The following SLC4A8 variants were observed in gnomAD, a reference collection of about 807,000 sequenced individuals.
SLC4A8 encodes electroneutral sodium bicarbonate exchanger 1.
In SLC4A8, 40 loss-of-function variants were observed where a neutral mutation model predicts 125.0. The ratio of observed to expected loss-of-function variants is 0.32; its 90% CI spans 0.25 to 0.42. The LOEUF (loss-of-function observed/expected upper bound fraction) is 0.42, where lower values mean the gene tolerates loss of function less well. Ranked by LOEUF, SLC4A8 falls within the 10% of genes least tolerant of loss-of-function variation. SLC4A8 has a pLI of 1.00. For synonymous variants in SLC4A8, 456 were observed against 476.0 expected, an observed-to-expected ratio of 0.96 and a Z score of 0.55; for missense variants, 863 against 1,355.1, an observed-to-expected ratio of 0.64 and a Z score of 5.70.
Position 51,450,939 on chromosome 12 carries a change from G to T in SLC4A8, c.194G>T (p.Arg65Leu). 1 of 1,608,086 alleles carries T rather than the reference G, an allele frequency of 6.2e-7. No homozygotes were observed. Among genetic ancestry groups the T allele is most frequent in the Non-Finnish European group, 8.5e-7 (1 of 1,176,726 alleles). The change falls in exon 3 of 25, where the codon CGC becomes CTC. Residue 65 changes from arginine (R) to leucine (L), a missense_variant. Physicochemically the swap from Arg to Leu is moderately radical, Grantham distance 102 (BLOSUM62 -2). Transcript: ENST00000453097. ...GGCCGGCAGAGCCATCGGCATCACC[G>T]CACTCATGGCCAGAAGCACCGGAGA... ...PLGRQSHRHHRTHGQKHRRRG... is the reference protein window; with the variant it reads ...PLGRQSHRHHLTHGQKHRRRG...
At chr12:51,502,203 A>T in intron 22 of SLC4A8, 1 of 152,176 alleles carries the variant, frequency 6.6e-6, no homozygotes, top group East Asian at 1.9e-4. Flanking sequence ...TGAAAAAGAA[A>T]TCATCTCTGA....
In SLC4A8 at chr12:51,436,626, G is replaced by T. The variant is rs115071632; in HGVS notation, c.49-4082G>T. On this transcript the variant is annotated intron_variant, in intron 1 of 24. Transcript: ENST00000453097. ...TATTTGTTATTTATTTATTTATTTA[G>T]TTAGTTAGTTAGTTATTTGAGATGG... Among the ~76,000 whole-genome samples, 822 of 151,616 alleles carry T rather than the reference G, an allele frequency of 5.4e-3. 1 individual carries two copies. The highest frequency in any genetic ancestry group is 0.013 in the African/African-American group (534 of 41,278).
At chr12:51,456,628 G>C (rs915728202) in intron 5 of SLC4A8, among the ~76,000 whole-genome samples, 32 of 152,168 alleles carry the variant, frequency 2.1e-4, no homozygotes, top group African/African-American at 7.5e-4. Context: ...GAGGTATAGA[G>C]AGATTATATA....
At chr12:51,444,643 A>G (rs1042512931) in intron 2 of SLC4A8, among the ~76,000 whole-genome samples, 2 of 152,204 alleles carry the variant, frequency 1.3e-5, no homozygotes, top group Non-Finnish European at 2.9e-5. Flanking sequence ...CCCTTTCTGC[A>G]GTAATAAGTC....
At chr12:51,499,077 A>G (rs1339426286) in intron 22 of SLC4A8, among the ~76,000 whole-genome samples, 1 of 151,840 alleles carries the variant, frequency 6.6e-6, no homozygotes, top group Non-Finnish European at 1.5e-5. Context: ...GCTACTCAGG[A>G]GGCTGAGACA....
chr12:51,438,861 C>T (rs1949501917), intron 1 of SLC4A8, among the ~76,000 whole-genome samples: 2 of 152,140 alleles, frequency 1.3e-5, no homozygotes, highest in Non-Finnish European at 2.9e-5. Flanking sequence ...TTTTGATTTG[C>T]ATTTCCCTGA....
intron 22 of SLC4A8, chr12:51,497,390 G>T: frequency 3.0e-6 from 1 of 334,612 alleles, no homozygotes; most frequent in Non-Finnish European, 5.5e-6. Flanking sequence ...CATACAGTAT[G>T]CCCTTATTAG....
intron 22 of SLC4A8, among the ~76,000 whole-genome samples, chr12:51,503,064 G>C (rs1343302641): frequency 2.0e-5 from 3 of 150,918 alleles, no homozygotes; most frequent in Admixed American, 6.6e-5. Context: ...GGGTGGTCTC[G>C]ATCTCCTGAC....
chr12:51,479,048 GGT>G (rs1950940670), intron 16 of SLC4A8, among the ~76,000 whole-genome samples: 1 of 152,198 alleles, frequency 6.6e-6, no homozygotes, highest in Non-Finnish European at 1.5e-5. Flanking sequence ...GGTGTGCCAT[GGT>G]GTGTCCTAGT....
rs757592697 is a variant in SLC4A8 at position 51,461,387 on chromosome 12, C to T, written c.1101+96C>T. ...TATGCTAGTTATTGGGGATAAAATA[C>T]TTTCCATTGCAATATCTGCTGGGAA... On this transcript the variant is annotated intron_variant, in intron 9 of 24. Transcript: ENST00000453097. 42 of 746,362 alleles carry T rather than the reference C, an allele frequency of 5.6e-5. No homozygotes were observed. In the South Asian group the frequency reaches 6.5e-4, roughly 12 times the overall value. The allele number at this position is 746,362 out of a possible 1,614,324, so 46.2% of individuals were successfully genotyped here. A position where few individuals can be genotyped will look rare whatever the true frequency, so the allele number is the denominator to read the frequency against.
At chr12:51,407,563 C>T (rs1948513164) in intron 1 of SLC4A8, among the ~76,000 whole-genome samples, 1 of 152,090 alleles carries the variant, frequency 6.6e-6, no homozygotes, top group African/African-American at 2.4e-5. Flanking sequence ...GCCACCGTGC[C>T]CGGCTTCAAC....
chr12:51,438,186 A>AT (rs1157166124), intron 1 of SLC4A8, among the ~76,000 whole-genome samples: 1 of 152,176 alleles, frequency 6.6e-6, no homozygotes, highest in Admixed American at 6.5e-5. Flanking sequence ...GAAACTCTAT[A>AT]TTATAGTCAT....
chr12:51,487,941 T>C (rs10783446), intron 17 of SLC4A8, among the ~76,000 whole-genome samples: 81,835 of 152,106 alleles, frequency 0.54, 22,153 homozygotes, highest in African/African-American at 0.57. Flanking sequence ...GTCTAAGTTA[T>C]TTATATTTGT....
chr12:51,500,286 T>C (rs987726310), intron 22 of SLC4A8, among the ~76,000 whole-genome samples: 1 of 152,200 alleles, frequency 6.6e-6, no homozygotes, highest in Admixed American at 6.5e-5. Flanking sequence ...CGTGTTACTT[T>C]ATAAAATTAT....
At chr12:51,456,157 T>C (rs1011420370) in intron 5 of SLC4A8, among the ~76,000 whole-genome samples, 7 of 151,720 alleles carry the variant, frequency 4.6e-5, no homozygotes, top group African/African-American at 1.7e-4. Flanking sequence ...ATTTTTCTTC[T>C]GATAACTTTA....
At chr12:51,478,100 C>G (rs916643549) in intron 16 of SLC4A8, among the ~76,000 whole-genome samples, 2 of 149,950 alleles carry the variant, frequency 1.3e-5, no homozygotes, top group Admixed American at 6.6e-5. Flanking sequence ...ATGGTGAAAC[C>G]CTGTCTCTAC....
At chr12:51,395,880 A>G (rs569627299) in intron 1 of SLC4A8, among the ~76,000 whole-genome samples, 7 of 152,360 alleles carry the variant, frequency 4.6e-5, no homozygotes, top group African/African-American at 1.7e-4. Context: ...AAAGTGTGAG[A>G]GTTGGGTCTT....
chr12:51,466,067 T>A (rs1353549800), intron 11 of SLC4A8, among the ~76,000 whole-genome samples: 2 of 152,084 alleles, frequency 1.3e-5, no homozygotes, highest in South Asian at 2.1e-4. Context: ...GATGGAGAAG[T>A]ATTTGAAGGC....
intron 2 of SLC4A8, chr12:51,441,055 A>G: frequency 8.9e-7 from 1 of 1,125,582 alleles, no homozygotes; most frequent in Non-Finnish European, 1.1e-6. Flanking sequence ...AATATTAACA[A>G]GTAACCTGTT....
Sources: allele counts gnomAD v4.1 joint callset (sites outside exome capture counted in the v4.1 genomes callset), GRCh38; gene constraint gnomAD v4.1.1; transcripts MANE v1.5; gene names NCBI Gene and HGNC (gene_info 2026-07-23, HGNC 2026-07-21).